Variants in UVRAG observed in about 807,000 individuals in gnomAD.
UVRAG encodes UV radiation resistance-associated gene protein.
UVRAG carries 19 observed loss-of-function variants against 78.0 expected under a neutral mutation model. The ratio of observed to expected loss-of-function variants is 0.24; its 90% CI spans 0.17 to 0.36. The LOEUF is 0.36. Ranked by LOEUF, UVRAG falls within the 10% of genes least tolerant of loss-of-function variation. The pLI, the probability that UVRAG is intolerant of heterozygous loss-of-function variation, is 1.00. For missense variants in UVRAG, 740 were observed against 853.8 expected, an observed-to-expected ratio of 0.87 and a Z score of 1.66; for synonymous variants, 323 against 324.6, an observed-to-expected ratio of 1.00 and a Z score of 0.05.
At chr11:76,049,075 A>G (rs936527882) in intron 12 of UVRAG, among the ~76,000 whole-genome samples, 1 of 152,210 alleles carries the variant, frequency 6.6e-6, no homozygotes, top group Non-Finnish European at 1.5e-5. Flanking sequence ...CTCAGCCGCT[A>G]TTGTTTGTGT....
chr11:76,086,169 A>G (rs1023437188), intron 13 of UVRAG, among the ~76,000 whole-genome samples: 5 of 152,240 alleles, frequency 3.3e-5, no homozygotes, highest in African/African-American at 1.2e-4. Flanking sequence ...TATATAAGAC[A>G]TATTTTTGAA....
At chr11:75,865,082 G>A (rs575516624) in intron 3 of UVRAG, among the ~76,000 whole-genome samples, 2 of 152,222 alleles carry the variant, frequency 1.3e-5, no homozygotes, top group African/African-American at 2.4e-5. Flanking sequence ...GAGGTCAGAA[G>A]TTTGAGACCA....
In UVRAG at chr11:76,025,653, A is replaced by C. The variant is rs538686058; in HGVS notation, c.1226+8673A>C. Among the ~76,000 whole-genome samples, 6 of 152,280 alleles carry C rather than the reference A, an allele frequency of 3.9e-5. No homozygotes were observed. The East Asian group carries it at 9.6e-4, about 24-fold the overall frequency. ...TCCTATGGAGGATCCTGACCTTACC[A>C]AAACCCCAAGAGTTGCCCTTTTTAC... On this transcript the variant is annotated intron_variant, in intron 12 of 14. Transcript: ENST00000356136.
chr11:75,886,392 C>T (rs553038680), intron 4 of UVRAG, among the ~76,000 whole-genome samples: 6 of 152,238 alleles, frequency 3.9e-5, no homozygotes, highest in East Asian at 1.9e-4. Flanking sequence ...AAAAATTACA[C>T]GTAATTCTTC....
At chr11:75,945,071 A>T (rs187754391) in intron 6 of UVRAG, among the ~76,000 whole-genome samples, 1 of 152,188 alleles carries the variant, frequency 6.6e-6, no homozygotes, top group Admixed American at 6.5e-5. Flanking sequence ...GCAGTTTCCC[A>T]GGAGTTTTTC....
chr11:76,008,000 C>T (rs181895669), intron 10 of UVRAG, among the ~76,000 whole-genome samples: 113 of 152,136 alleles, frequency 7.4e-4, no homozygotes, highest in Non-Finnish European at 9.7e-4. Flanking sequence ...CTCCCCTTCC[C>T]GGGTTCACGC....
At chr11:75,865,180 G>A (rs1185081238) in intron 3 of UVRAG, among the ~76,000 whole-genome samples, 4 of 151,554 alleles carry the variant, frequency 2.6e-5, no homozygotes, top group Non-Finnish European at 5.9e-5. Flanking sequence ...TCAGCTACTC[G>A]GGAGGCTGAG....
chr11:76,075,198 C>T (rs533822331), intron 13 of UVRAG, among the ~76,000 whole-genome samples: 1 of 152,074 alleles, frequency 6.6e-6, no homozygotes, highest in African/African-American at 2.4e-5. Flanking sequence ...TGCCTTTCCC[C>T]AACTACTGCA....
chr11:76,001,317 G>A (rs773974083), intron 8 of UVRAG, among the ~76,000 whole-genome samples: 1 of 152,066 alleles, frequency 6.6e-6, no homozygotes, highest in Non-Finnish European at 1.5e-5. Context: ...TGAAGTTTGA[G>A]GTAAATTTAT....
At chr11:75,888,028 T>C (rs780051636) in intron 4 of UVRAG, among the ~76,000 whole-genome samples, 22 of 151,974 alleles carry the variant, frequency 1.4e-4, no homozygotes, top group Non-Finnish European at 2.6e-4. Context: ...TAAAAGAGAG[T>C]GGTTTGCAGA....
chr11:76,088,591 A>G (rs547877363), intron 13 of UVRAG, among the ~76,000 whole-genome samples: 212 of 152,008 alleles, frequency 1.4e-3, no homozygotes, highest in Non-Finnish European at 2.5e-3. Flanking sequence ...AACTCCTGCA[A>G]CCACTTACCC....
At chr11:75,955,657 T>C (rs1230129144) in intron 6 of UVRAG, among the ~76,000 whole-genome samples, 3 of 152,084 alleles carry the variant, frequency 2.0e-5, no homozygotes, top group African/African-American at 4.8e-5. Flanking sequence ...CCCAACACTG[T>C]GGGAGGCTGA....
intron 1 of UVRAG, 55 bp from the exon 2 acceptor site, chr11:75,851,828 A>C (rs747413409): frequency 1.3e-4 from 190 of 1,437,256 alleles, no homozygotes; most frequent in Admixed American, 3.7e-4. Context: ...ACTTCCAGAA[A>C]ATTTTATAGG....
At chr11:75,921,441 C>G (rs925141740) in intron 6 of UVRAG, among the ~76,000 whole-genome samples, 4 of 152,160 alleles carry the variant, frequency 2.6e-5, no homozygotes, top group African/African-American at 7.2e-5. Flanking sequence ...TTGCATTTTT[C>G]TCATAAGTTC....
chr11:75,974,916 T>C (rs964166775), intron 7 of UVRAG, among the ~76,000 whole-genome samples: 9 of 152,282 alleles, frequency 5.9e-5, no homozygotes, highest in Admixed American at 2.0e-4. Flanking sequence ...CTTTTGTTGC[T>C]GTTGCTTTTG....
intron 8 of UVRAG, among the ~76,000 whole-genome samples, chr11:76,003,257 A>ATTTTTTTTTT (rs398045280): frequency 2.2e-4 from 12 of 53,786 alleles, no homozygotes; most frequent in African/African-American, 8.5e-4. Context: ...GAAAATACTG[A>ATTTTTTTTTT]TTTTTTTTTT....
chr11:76,062,587 TCAA>T (rs1423343715), intron 12 of UVRAG, among the ~76,000 whole-genome samples: 23 of 152,302 alleles, frequency 1.5e-4, no homozygotes, highest in Admixed American at 1.4e-3. Flanking sequence ...TCTGGTTCCT[TCAA>T]CAATTTCTCT....
At chr11:76,075,669 A>G (rs538249522) in intron 13 of UVRAG, among the ~76,000 whole-genome samples, 2 of 152,160 alleles carry the variant, frequency 1.3e-5, no homozygotes, top group Admixed American at 1.3e-4. Flanking sequence ...AAATTGTGCA[A>G]CTATCACCAC....
At chr11:76,140,112 CCTCTCTCTCT>C (rs745755879) in intron 14 of UVRAG, among the ~76,000 whole-genome samples, 1 of 11,294 alleles carries the variant, frequency 8.9e-5, no homozygotes, top group Non-Finnish European at 1.4e-4. Context: ...TCCCTCCCTC[CCTCTCTCTCT>C]CTCTCTCTCT....
Sources: gnomAD v4.1 joint callset for allele counts (sites outside exome capture counted in the v4.1 genomes callset) on GRCh38, gnomAD v4.1.1 for gene constraint, MANE v1.5 for transcripts, NCBI Gene and HGNC (gene_info 2026-07-23, HGNC 2026-07-21) for gene names.